OTUD7B: variants seen among roughly 807,000 people sequenced by gnomAD.
OTUD7B encodes the protein OTU domain-containing protein 7B.
A neutral mutation model predicts 82.2 loss-of-function variants in OTUD7B; 34 were observed. The observed-to-expected ratio is 0.41, with a 90% CI of 0.31 to 0.55. OTUD7B has a LOEUF of 0.55. Among genes scored for constraint, OTUD7B ranks in the 20% least tolerant of loss-of-function variants. The probability of loss-of-function intolerance (pLI) is 0.20; values close to 1 mark genes in which losing one functional copy is unlikely to be tolerated. For missense variants in OTUD7B, 944 were observed against 1,062.1 expected (o/e 0.89, Z 1.55); for synonymous variants, 398 against 402.7 (o/e 0.99, Z 0.14).
At chr1:150,015,441 G>A (rs1435229061), upstream of OTUD7B, among the ~76,000 whole-genome samples, 3 of 151,592 alleles carry the variant, frequency 2.0e-5, no homozygotes, top group Non-Finnish European at 2.9e-5. Flanking sequence ...TTACAGGCAC[G>A]TGACACCACG....
the OTUD7B span, among the ~76,000 whole-genome samples, chr1:150,019,112 A>T: frequency 6.6e-6 from 1 of 152,184 alleles, no homozygotes; most frequent in Non-Finnish European, 1.5e-5. Flanking sequence ...CTAGGTTAGC[A>T]TTTTTGTTTT....
chr1:150,003,262 A>AAG (rs1652427724), intron 1 of OTUD7B, among the ~76,000 whole-genome samples: 2 of 662 alleles, frequency 3.0e-3, no homozygotes. Flanking sequence ...AAAAAAAAAA[A>AAG]AAAAGATAAA....
At chr1:150,002,087 G>A (rs1652330090) in intron 1 of OTUD7B, among the ~76,000 whole-genome samples, 1 of 152,142 alleles carries the variant, frequency 6.6e-6, no homozygotes, top group African/African-American at 2.4e-5. Flanking sequence ...ATTTTAAAGA[G>A]AGTAAGACAT....
At chr1:149,999,394 T>A (rs910587352) in intron 1 of OTUD7B, among the ~76,000 whole-genome samples, 1 of 152,150 alleles carries the variant, frequency 6.6e-6, no homozygotes, top group African/African-American at 2.4e-5. Context: ...TCTATTCATG[T>A]CAGTAAACAA....
intron 1 of OTUD7B, among the ~76,000 whole-genome samples, chr1:149,996,678 G>C (rs782251118): frequency 6.6e-6 from 1 of 152,192 alleles, no homozygotes; most frequent in Non-Finnish European, 1.5e-5. Context: ...CTGTAAGGTT[G>C]CATAACAGTA....
chr1:150,018,108 T>C, the OTUD7B span, among the ~76,000 whole-genome samples: 2 of 152,198 alleles, frequency 1.3e-5, no homozygotes, highest in South Asian at 4.1e-4. Flanking sequence ...TTGAAAAGTG[T>C]CACCATTACG....
intron 6 of OTUD7B, chr1:149,961,696 G>A (rs1466757789): frequency 6.6e-6 from 1 of 152,158 alleles, no homozygotes; most frequent in Non-Finnish European, 1.5e-5. Flanking sequence ...AGTCATACAT[G>A]TTATAACCTG....
chr1:150,000,658 C>T (rs1553784535), intron 1 of OTUD7B, among the ~76,000 whole-genome samples: 1 of 151,936 alleles, frequency 6.6e-6, no homozygotes, highest in Non-Finnish European at 1.5e-5. Flanking sequence ...TGTAAAATTT[C>T]AAAACAAAAC....
At chr1:150,012,037 A>G (rs1296822494), upstream of OTUD7B, among the ~76,000 whole-genome samples, 1 of 152,246 alleles carries the variant, frequency 6.6e-6, no homozygotes, top group Non-Finnish European at 1.5e-5. Flanking sequence ...AAGGCCAAAC[A>G]AGTCAGAGTG....
intron 1 of OTUD7B, among the ~76,000 whole-genome samples, chr1:149,982,431 A>G (rs1239138792): frequency 1.3e-5 from 2 of 152,080 alleles, no homozygotes; most frequent in Admixed American, 6.6e-5. Flanking sequence ...TCTCGTATTT[A>G]TCAAAGACTT....
At chr1:150,045,258 A>G in the OTUD7B span, among the ~76,000 whole-genome samples, 1 of 151,184 alleles carries the variant, frequency 6.6e-6, no homozygotes, top group African/African-American at 2.4e-5. Context: ...TGACCGGCTA[A>G]TTTTTTTGTA....
chr1:150,021,221 A>G, the OTUD7B span, among the ~76,000 whole-genome samples: 2 of 152,156 alleles, frequency 1.3e-5, no homozygotes, highest in Admixed American at 1.3e-4. Context: ...AACATGTTCC[A>G]TTTTGCTATA....
the OTUD7B span, among the ~76,000 whole-genome samples, chr1:150,027,711 C>T: frequency 2.6e-5 from 4 of 151,362 alleles, no homozygotes; most frequent in Non-Finnish European, 5.9e-5. Context: ...TCCTTTAGTG[C>T]TAAAAGGATA....
intron 2 of OTUD7B, among the ~76,000 whole-genome samples, chr1:149,971,667 C>T (rs1051436271): frequency 6.6e-6 from 1 of 152,186 alleles, no homozygotes; most frequent in African/African-American, 2.4e-5. Context: ...CCTACATGTA[C>T]TCTAGTGTGT....
In OTUD7B at chr1:149,943,894, C is replaced by T. The variant is rs782091150; in HGVS notation, c.2495G>A (p.Arg832Gln). 9.3e-6 allele frequency: 15 copies of T among 1,614,136 alleles called. No homozygotes were observed. Among genetic ancestry groups the T allele is most frequent in the South Asian group, 3.3e-5 (3 of 91,094 alleles). ...CACCAGGAGCTCCCCATCCGGTTCC[C>T]GCTCCCTCCTCCTCAGTTCTTCCCT... ...CYREELRRRE[R>Q]EPDGELLVHR... Residue 832 changes from arginine to glutamine, a missense_variant, in exon 12 of 12, where the codon CGG (arginine) becomes CAG (glutamine). Arg to Gln is a conservative substitution (Grantham distance 43). Around this residue, in one of 3 missense-constraint regions of OTUD7B, gnomAD observed 412 missense variants for 418.7 expected, o/e 0.98. Coordinates refer to ENST00000581312, the MANE Select transcript of OTUD7B (RefSeq NM_020205.4).
chr1:150,048,861 C>T, the OTUD7B span, among the ~76,000 whole-genome samples: 36 of 152,202 alleles, frequency 2.4e-4, no homozygotes, highest in African/African-American at 7.5e-4. Context: ...GAGACGGAGT[C>T]TCACCCTGTC....
chr1:150,015,833 G>T, the OTUD7B span, among the ~76,000 whole-genome samples: 2 of 152,108 alleles, frequency 1.3e-5, no homozygotes, highest in Non-Finnish European at 2.9e-5. Context: ...GGATCATGGG[G>T]CTCCCTTCCC....
At chr1:149,959,547 A>G (rs1464848262) in intron 7 of OTUD7B, 137 bp downstream of exon 7, 2 of 635,434 alleles carry the variant, frequency 3.1e-6, no homozygotes, top group African/African-American at 3.6e-5. Context: ...ATGTTGTTAC[A>G]CACTTTTGTG....
At chr1:150,048,370 A>G in the OTUD7B span, 1 of 152,256 alleles carries the variant, frequency 6.6e-6, no homozygotes, top group East Asian at 1.9e-4. Context: ...ATCTAACACC[A>G]TTTGGGGGGT....
Sources: gnomAD v4.1 joint callset for allele counts (sites outside exome capture counted in the v4.1 genomes callset) on GRCh38, gnomAD v4.1.1 for gene constraint, gnomAD v4.1.1 regional missense constraint, MANE v1.5 for transcripts, NCBI Gene and HGNC (gene_info 2026-07-23, HGNC 2026-07-21) for gene names.